Variants in ATP1B3 observed in about 807,000 individuals in gnomAD.
The protein encoded by ATP1B3 is ATPase Na+/K+ transporting subunit beta 3.
In ATP1B3, 10 loss-of-function variants were observed where a neutral mutation model predicts 30.2. That is an observed-to-expected ratio of 0.33 (90% CI 0.20 to 0.56). The LOEUF (loss-of-function observed/expected upper bound fraction) is 0.56, where lower values mean the gene tolerates loss of function less well. Among genes scored for constraint, ATP1B3 ranks in the 20% least tolerant of loss-of-function variants. The pLI is 0.90. For synonymous variants in ATP1B3, 113 were observed against 117.0 expected (o/e 0.97, Z 0.22); for missense variants, 238 against 336.7 (o/e 0.71, Z 2.29).
chr3:141,900,206 C>G (rs1559868926), intron 1 of ATP1B3, among the ~76,000 whole-genome samples: 1 of 151,986 alleles, frequency 6.6e-6, no homozygotes, highest in South Asian at 2.1e-4. Flanking sequence ...CAAACCAAGT[C>G]CCTACATGGT....
At chr3:141,879,778 CA>C (rs199509329) in intron 1 of ATP1B3, among the ~76,000 whole-genome samples, 3 of 57,624 alleles carry the variant, frequency 5.2e-5, no homozygotes, top group Admixed American at 1.8e-4. Flanking sequence ...GTCTCCATCT[CA>C]AAAAAAAAAA....
At chr3:141,915,775 A>C (rs1257807444) in intron 4 of ATP1B3, among the ~76,000 whole-genome samples, 195 bp from the exon 5 acceptor site, 1 of 152,152 alleles carries the variant, frequency 6.6e-6, no homozygotes, top group Non-Finnish European at 1.5e-5. Context: ...TACAGTAATA[A>C]GATATCTGAT....
intron 1 of ATP1B3, among the ~76,000 whole-genome samples, chr3:141,899,739 C>A (rs541355255): frequency 6.6e-6 from 1 of 152,242 alleles, no homozygotes; most frequent in South Asian, 2.1e-4. Flanking sequence ...TGTGGTGACA[C>A]ATGCCTGTAA....
intron 3 of ATP1B3, among the ~76,000 whole-genome samples, chr3:141,911,801 CTT>C (rs959605985): frequency 6.6e-6 from 1 of 151,990 alleles, no homozygotes; most frequent in Non-Finnish European, 1.5e-5. Flanking sequence ...GGCCTTTGGT[CTT>C]TCTTATTTTA....
At chr3:141,921,688 A>AT (rs1934566568) in intron 5 of ATP1B3, 1 of 191,142 alleles carries the variant, frequency 5.2e-6, no homozygotes, top group Admixed American at 6.3e-5. Context: ...GGCAGATAAG[A>AT]TTTTACAGGA....
intron 1 of ATP1B3, among the ~76,000 whole-genome samples, chr3:141,882,084 C>T (rs1933738469): frequency 6.6e-6 from 1 of 152,120 alleles, no homozygotes; most frequent in South Asian, 2.1e-4. Context: ...GGATTTATAT[C>T]TATACAATTA....
rs780176915 is a variant in ATP1B3 at position 141,925,674 on chromosome 3, T to C, written c.813T>C (p.Val271=). Residue 271 remains valine, a synonymous_variant, in exon 7 of 7, where the codon GTT becomes GTC. Coordinates refer to ENST00000286371, the MANE Select transcript of ATP1B3 (RefSeq NM_001679.4). ...QDDRDKFLGR[V]MFKITARA ...ATCGTGACAAGTTTTTGGGACGAGT[T>C]ATGTTCAAAATCACAGCACGTGCAT... The C allele has an allele frequency of 1.4e-5, 22 of 1,612,220 alleles. No individual in the cohort carries two copies. The highest frequency in any genetic ancestry group is 1.8e-5 in the Non-Finnish European group (21 of 1,179,788).
chr3:141,886,918 A>T (rs1175736031), intron 1 of ATP1B3, among the ~76,000 whole-genome samples: 2 of 152,126 alleles, frequency 1.3e-5, no homozygotes, highest in Non-Finnish European at 2.9e-5. Context: ...CTGGACAATC[A>T]CTTGAGCCTG....
chr3:141,890,095 T>TC (rs1559866299), intron 1 of ATP1B3, among the ~76,000 whole-genome samples: 153 of 138,864 alleles, frequency 1.1e-3, no homozygotes, highest in African/African-American at 4.1e-3. Context: ...TCTTTTTTTT[T>TC]TTTTTTTTTT....
intron 1 of ATP1B3, chr3:141,902,023 A>C: frequency 2.6e-6 from 2 of 773,870 alleles, no homozygotes; most frequent in Non-Finnish European, 3.8e-6. Flanking sequence ...GATCTCAAAG[A>C]ATTTCTCTTC....
rs1023835550 is a variant in ATP1B3, at chr3:141,910,625, T to C, written c.347-3027T>C. Reference sequence around the variant, plus strand: ...CTATCATTTGAGGTATTTTCTTGAGTCTCTTTTCTGGAAAACTCCTTCCTG... The same window carrying C: ...CTATCATTTGAGGTATTTTCTTGAGCCTCTTTTCTGGAAAACTCCTTCCTG... On this transcript the variant is annotated intron_variant, in intron 3 of 6. Coordinates refer to ENST00000286371, the MANE Select transcript of ATP1B3 (RefSeq NM_001679.4). 1.3e-5 allele frequency among the ~76,000 whole-genome samples: 2 copies of C among 152,040 alleles called. 1 individual carries two copies. Among genetic ancestry groups the C allele is most frequent in the Admixed American group, 1.3e-4 (2 of 15,266 alleles).
At chr3:141,921,944 C>T (rs770720400) in intron 5 of ATP1B3, 33 bp from the exon 6 acceptor site, 4 of 1,240,536 alleles carry the variant, frequency 3.2e-6, no homozygotes, top group Admixed American at 5.3e-5. Flanking sequence ...CTTTTTGTGA[C>T]CTAAAGAGGA....
intron 1 of ATP1B3, chr3:141,903,100 T>A (rs1391747805): frequency 6.4e-6 from 1 of 155,068 alleles, no homozygotes; most frequent in African/African-American, 2.4e-5. Flanking sequence ...GATCCTCCCA[T>A]CTCAGCCTCT....
intron 3 of ATP1B3, 65 bp downstream of exon 3, chr3:141,907,339 G>T (rs1251655551): frequency 4.4e-6 from 6 of 1,374,878 alleles, no homozygotes; most frequent in Admixed American, 3.8e-5. Flanking sequence ...CAAATTGTGG[G>T]CCGGGCACGG....
At position 141,889,756 on chromosome 3, in the gene ATP1B3, T is replaced by TACACAC. The variant is rs34670135; in HGVS notation, c.109+12881_109+12886dup. Among the ~76,000 whole-genome samples, 227 of 84,022 alleles carry TACACAC rather than the reference T, an allele frequency of 2.7e-3. 18 individuals carry two copies. In the East Asian group the frequency reaches 0.048, roughly 18 times the overall value. 55.1% of individuals were successfully genotyped at this position (84,022 alleles called of 152,430 possible). A position where few individuals can be genotyped will look rare whatever the true frequency, so the allele number is the denominator to read the frequency against. On this transcript the variant is annotated intron_variant, in intron 1 of 6. Transcript: ENST00000286371. ...AAAAAAAAAAAAAAAAAAAAATATA[T>TACACAC]ACACACACACACACACACACACACA...
intron 3 of ATP1B3, among the ~76,000 whole-genome samples, chr3:141,911,186 C>T (rs1013738028): frequency 1.3e-5 from 2 of 151,970 alleles, no homozygotes; most frequent in African/African-American, 2.4e-5. Flanking sequence ...CTGGTTTTTT[C>T]TTTCTAGAAC....
At chr3:141,900,311 T>C (rs772501955) in intron 1 of ATP1B3, among the ~76,000 whole-genome samples, 42 of 152,082 alleles carry the variant, frequency 2.8e-4, no homozygotes, top group Non-Finnish European at 1.0e-4. Context: ...CAATCATACC[T>C]ACATAATGAA....
chr3:141,892,438 C>T (rs1034723824), intron 1 of ATP1B3, among the ~76,000 whole-genome samples: 1 of 151,852 alleles, frequency 6.6e-6, no homozygotes, highest in Non-Finnish European at 1.5e-5. Flanking sequence ...TGATAATGTC[C>T]TTTATTATTA....
chr3:141,887,416 C>A (rs1377867131), intron 1 of ATP1B3, among the ~76,000 whole-genome samples: 1 of 152,148 alleles, frequency 6.6e-6, no homozygotes, highest in Non-Finnish European at 1.5e-5. Context: ...CAACATCATC[C>A]TCAGCTTCTT....
Sources: allele counts gnomAD v4.1 joint callset (sites outside exome capture counted in the v4.1 genomes callset), GRCh38; gene constraint gnomAD v4.1.1; transcripts MANE v1.5; gene names NCBI Gene and HGNC (gene_info 2026-07-23, HGNC 2026-07-21).